NELL2: variants seen among roughly 807,000 people sequenced by gnomAD.
NELL2 encodes the protein neural EGFL like 2, also known as protein kinase C-binding protein NELL2.
NELL2 carries 41 observed loss-of-function variants against 109.6 expected under a neutral mutation model. That is an observed-to-expected ratio of 0.37 (90% CI 0.29 to 0.49). The LOEUF (loss-of-function observed/expected upper bound fraction) is 0.49, where lower values mean the gene tolerates loss of function less well. NELL2 is among the 20% of genes least tolerant of loss of function. The pLI is 0.98. For missense variants in NELL2, 900 were observed against 1,008.3 expected (o/e 0.89, Z 1.45); for synonymous variants, 355 against 344.7 (o/e 1.03, Z -0.33).
intron 2 of NELL2, among the ~76,000 whole-genome samples, chr12:44,851,171 A>G (rs1188288837): frequency 6.6e-6 from 1 of 152,174 alleles, no homozygotes; most frequent in Non-Finnish European, 1.5e-5. Context: ...TTTATAATAG[A>G]AACACCTGAA....
chr12:44,758,024 T>C (rs560144716), intron 9 of NELL2, among the ~76,000 whole-genome samples: 15 of 150,188 alleles, frequency 1.0e-4, no homozygotes, highest in Non-Finnish European at 2.1e-4. Flanking sequence ...TGGTGAAAAA[T>C]TGTCTTTTGA....
chr12:44,901,633 A>C (rs1172737758), intron 1 of NELL2, among the ~76,000 whole-genome samples: 2 of 152,200 alleles, frequency 1.3e-5, no homozygotes, highest in Non-Finnish European at 2.9e-5. Flanking sequence ...CCTCATGAAC[A>C]CTGATGTGAA....
chr12:44,863,358 A>G (rs1944897144), intron 2 of NELL2, among the ~76,000 whole-genome samples: 1 of 152,242 alleles, frequency 6.6e-6, no homozygotes, highest in Non-Finnish European at 1.5e-5. Context: ...ATCATGACAT[A>G]TTATAATCAA....
At chr12:44,840,027 C>G (rs911525221) in intron 2 of NELL2, among the ~76,000 whole-genome samples, 1 of 152,202 alleles carries the variant, frequency 6.6e-6, no homozygotes, top group Non-Finnish European at 1.5e-5. Context: ...TGCATTCTAC[C>G]TACACCAAAC....
upstream of NELL2, among the ~76,000 whole-genome samples, chr12:44,915,673 C>A (rs1009923984): frequency 4.0e-5 from 6 of 151,828 alleles, no homozygotes; most frequent in African/African-American, 1.5e-4. Flanking sequence ...GAAGCTTATT[C>A]AAAAAAATAA....
rs141357599 is a variant in NELL2 at position 44,900,831 on chromosome 12, A to C, written c.38+12968T>G. Among the ~76,000 whole-genome samples the C allele has an allele frequency of 3.0e-3, 463 of 152,286 alleles. 2 individuals are homozygous for C. The highest frequency in any genetic ancestry group is 0.01 in the African/African-American group (436 of 41,554). On this transcript the variant is annotated intron_variant, in intron 1 of 20. Transcript: ENST00000333837. ...TGGTGAAACCCCATCTCTACTAAAA[A>C]TACAAAAATTGGCTGGGTGTGATGG...
upstream of NELL2, among the ~76,000 whole-genome samples, chr12:44,917,818 G>T (rs959060573): frequency 5.9e-5 from 9 of 152,172 alleles, no homozygotes; most frequent in African/African-American, 2.2e-4. Flanking sequence ...AGCTCATGTG[G>T]CAAGTAACTA....
rs7976018 is a variant in NELL2, at chr12:44,787,548, A to T, written c.336-7526T>A. ...TAAAGTAGAAAGAATCAATCTACCC[A>T]ATTCAAAGACTTTATACAGTACAGT... is the stretch of plus-strand genomic sequence containing the variant. On this transcript the variant is annotated intron_variant, in intron 3 of 19. Coordinates refer to ENST00000429094, the MANE Select transcript of NELL2 (RefSeq NM_001145108.2). Among the ~76,000 whole-genome samples, 1,148 of 152,308 alleles carry T rather than the reference A, an allele frequency of 7.5e-3. 17 individuals are homozygous for T. Among genetic ancestry groups the T allele is most frequent in the African/African-American group, 0.026 (1,082 of 41,576 alleles).
chr12:44,817,885 C>T (rs568095813), intron 2 of NELL2, among the ~76,000 whole-genome samples: 1 of 152,322 alleles, frequency 6.6e-6, no homozygotes, highest in African/African-American at 2.4e-5. Flanking sequence ...GGTCATGTGA[C>T]ACAGACCTGA....
At chr12:44,706,265 T>A (rs1222267923) in intron 11 of NELL2, among the ~76,000 whole-genome samples, 4 of 152,192 alleles carry the variant, frequency 2.6e-5, no homozygotes, top group African/African-American at 9.6e-5. Context: ...CTATTTTGAT[T>A]CATTCTTCCA....
At chr12:44,639,012 AATT>A (rs1946747373) in intron 13 of NELL2, among the ~76,000 whole-genome samples, 1 of 152,170 alleles carries the variant, frequency 6.6e-6, no homozygotes, top group African/African-American at 2.4e-5. Context: ...TCAATATAAA[AATT>A]ATTGAGATAT....
At chr12:44,747,130 T>C (rs1940409658) in intron 9 of NELL2, among the ~76,000 whole-genome samples, 1 of 152,196 alleles carries the variant, frequency 6.6e-6, no homozygotes, top group Admixed American at 6.5e-5. Context: ...TAAAACGTGA[T>C]GAGTTCATGT....
chr12:44,713,207 CACACACACAGAGAGAGACAGAGAGAG>C (rs1259039419), intron 10 of NELL2, among the ~76,000 whole-genome samples: 1 of 145,330 alleles, frequency 6.9e-6, no homozygotes, highest in Admixed American at 6.8e-5. Flanking sequence ...CACACACACA[CACACACACAGAGAGAGACAGAGAGAG>C]AGAGAGAGAG....
intron 13 of NELL2, among the ~76,000 whole-genome samples, chr12:44,640,058 G>A (rs968323863): frequency 1.3e-5 from 2 of 152,066 alleles, no homozygotes; most frequent in African/African-American, 4.8e-5. Flanking sequence ...AAATAAAACT[G>A]TAAATTCTTC....
At chr12:44,910,126 A>G (rs1244135341) in intron 1 of NELL2, among the ~76,000 whole-genome samples, 1 of 152,088 alleles carries the variant, frequency 6.6e-6, no homozygotes, top group Non-Finnish European at 1.5e-5. Context: ...GCAAAAATTG[A>G]CAAGTGGGAC....
At chr12:44,760,645 G>C (rs911245298) in intron 9 of NELL2, among the ~76,000 whole-genome samples, 1 of 75,562 alleles carries the variant, frequency 1.3e-5, no homozygotes, top group East Asian at 2.6e-4. Context: ...GTTCATAAGT[G>C]AACAAAATAA....
At chr12:44,740,846 G>A (rs1939917099) in intron 9 of NELL2, among the ~76,000 whole-genome samples, 1 of 152,192 alleles carries the variant, frequency 6.6e-6, no homozygotes, top group Admixed American at 6.5e-5. Flanking sequence ...CACAGCATAT[G>A]TCATGGAAAC....
intron 15 of NELL2, among the ~76,000 whole-genome samples, chr12:44,576,622 A>C (rs1944096521): frequency 6.6e-6 from 1 of 151,758 alleles, no homozygotes; most frequent in African/African-American, 2.4e-5. Context: ...ATATGTATAC[A>C]TGTGCCATGC....
intron 12 of NELL2, among the ~76,000 whole-genome samples, chr12:44,684,535 G>T (rs1948646043): frequency 6.6e-6 from 1 of 152,146 alleles, no homozygotes; most frequent in East Asian, 1.9e-4. Context: ...GATCTTTCCT[G>T]CTTTCTCTTG....
Sources: allele counts gnomAD v4.1 joint callset (sites outside exome capture counted in the v4.1 genomes callset), GRCh38; gene constraint gnomAD v4.1.1; transcripts MANE v1.5; gene names NCBI Gene and HGNC (gene_info 2026-07-23, HGNC 2026-07-21).